TRAPPC10: variants seen among roughly 807,000 people sequenced by gnomAD.
TRAPPC10 encodes the protein trafficking protein particle complex subunit 10.
A neutral mutation model predicts 125.5 loss-of-function variants in TRAPPC10; 23 were observed. That is an observed-to-expected ratio of 0.18 (90% CI 0.13 to 0.26). The LOEUF is 0.26. TRAPPC10 is among the 10% of genes least tolerant of loss of function. TRAPPC10 has a pLI of 1.00. For synonymous variants in TRAPPC10, 509 were observed against 518.0 expected (o/e 0.98, Z 0.24); for missense variants, 1,123 against 1,308.4 (o/e 0.86, Z 2.19).
intron 3 of TRAPPC10, among the ~76,000 whole-genome samples, chr21:44,048,799 T>C: frequency 1.2e-5 from 1 of 85,780 alleles, no homozygotes; most frequent in African/African-American, 5.6e-5. Flanking sequence ...CACCCTGTGT[T>C]TTTTTTTTTT....
At chr21:44,067,003 A>G (rs529722725) in intron 7 of TRAPPC10, among the ~76,000 whole-genome samples, 5 of 152,298 alleles carry the variant, frequency 3.3e-5, no homozygotes, top group African/African-American at 1.2e-4. Context: ...GTTTGTTACA[A>G]TGATTGCCCA....
intron 4 of TRAPPC10, among the ~76,000 whole-genome samples, chr21:44,054,416 C>T (rs1038292720): frequency 2.0e-5 from 3 of 151,754 alleles, no homozygotes; most frequent in African/African-American, 2.4e-5. Context: ...TGCTGGGGCA[C>T]GGAAAAAAGG....
intron 3 of TRAPPC10, among the ~76,000 whole-genome samples, chr21:44,040,328 T>C (rs986121048): frequency 1.3e-5 from 2 of 152,050 alleles, no homozygotes; most frequent in Admixed American, 1.3e-4. Flanking sequence ...TTATTAGAGA[T>C]TTTTAAAAAT....
Position 44,037,869 on chromosome 21 carries a change from A to G in TRAPPC10, c.227A>G (p.Glu76Gly). The change falls in exon 3 of 23, where the codon GAA becomes GGA. Residue 76 changes from glutamate (E) to glycine (G), a missense_variant. Coordinates refer to ENST00000291574, the MANE Select transcript of TRAPPC10 (RefSeq NM_003274.5). The part of the protein sequence containing the change: ...VQFKEELLPK[E>G]GNKALLTFPF... ...TTCAAAGAGGAGCTGCTGCCCAAAG[A>G]AGGAAACAAAGCTCTGCTCACGTTT... 6.2e-7 allele frequency: 1 copy of G among 1,614,188 alleles called. No homozygotes were observed. The highest frequency in any genetic ancestry group is 8.5e-7 in the Non-Finnish European group (1 of 1,180,046).
In TRAPPC10 at chr21:44,079,863, T is replaced by A. The variant is rs961155696; in HGVS notation, c.1611-152T>A. ...AAAATGAATGAAATGTCTAGTCGAT[T>A]TTTTATAATCTAATTTTGAGCCCTA... is the stretch of plus-strand genomic sequence containing the variant. On this transcript the variant is annotated intron_variant, in intron 12 of 22. Transcript: ENST00000291574. 27 of 1,103,300 alleles carry A rather than the reference T, an allele frequency of 2.4e-5. 1 individual carries two copies. The South Asian group carries it at 4.1e-4, about 17-fold the overall frequency. The allele number at this position is 1,103,300 out of a possible 1,614,324, so 68.3% of individuals were successfully genotyped here. A position where few individuals can be genotyped will look rare whatever the true frequency, so the allele number is the denominator to read the frequency against.
chr21:44,094,225 A>C lies in TRAPPC10; in HGVS notation c.3160A>C (p.Asn1054His). 1 of 1,606,436 alleles carries C rather than the reference A, an allele frequency of 6.2e-7. No individual in the cohort carries two copies. Among genetic ancestry groups the C allele is most frequent in the Non-Finnish European group, 8.5e-7 (1 of 1,178,070 alleles). ...GTATACTTATGAATTTAAAGTGGAA[A>C]ATTTTTTTGTAAGTGATGTATTATT... Reference protein sequence around the residue: ...KPYTYEFKVENFFTLYNVKAE... With the variant: ...KPYTYEFKVEHFFTLYNVKAE... Residue 1054 changes from asparagine (N) to histidine (H), a missense_variant, in exon 20 of 23, where the codon AAT becomes CAT. Asn to His is a moderately conservative substitution (Grantham distance 68). Around this residue, in one of 4 missense-constraint regions of TRAPPC10, gnomAD observed 840 missense variants for 902.0 expected, o/e 0.93. Transcript: ENST00000291574.
chr21:44,024,903 A>G (rs2032902406), intron 1 of TRAPPC10, among the ~76,000 whole-genome samples: 1 of 152,118 alleles, frequency 6.6e-6, no homozygotes. Flanking sequence ...ATCCAAACAT[A>G]TTTGTATTTC....
In TRAPPC10 at chr21:44,055,807, C is replaced by A; in HGVS notation, c.592C>A (p.Leu198Ile). The A allele has an allele frequency of 6.2e-7, 1 of 1,613,884 alleles. No individual in the cohort carries two copies. The highest frequency in any genetic ancestry group is 8.5e-7 in the Non-Finnish European group (1 of 1,179,842). Residue 198 changes from leucine (L) to isoleucine (I), a missense_variant, in exon 5 of 23, where the codon CTA (leucine) becomes ATA (isoleucine). Physicochemically the swap from Leu to Ile is conservative, Grantham distance 5 (BLOSUM62 2). Around this residue, in one of 4 missense-constraint regions of TRAPPC10, gnomAD observed 15 missense variants for 50.3 expected, o/e 0.30. Transcript: ENST00000291574. Reference protein sequence around the residue: ...TLLLMSFTKNLGKFEDDMRTL... With the variant: ...TLLLMSFTKNIGKFEDDMRTL... ...GCTTCTTATGTCTTTTACCAAAAAC[C>A]TAGGCAAGTTTGAGGATGACATGAG... is the stretch of plus-strand genomic sequence containing the variant.
Position 44,074,576 on chromosome 21 carries a change from C to T in TRAPPC10, c.1185+106C>T, listed in dbSNP as rs145786098. On this transcript the variant is annotated intron_variant, in intron 8 of 22. Coordinates refer to ENST00000291574, the MANE Select transcript of TRAPPC10 (RefSeq NM_003274.5). ...GGAGAGGTGTTGCTCATTTAGATCACGATGCATCCACTTTAGTGGCCCTAG... is the reference window on the plus strand; with the variant it reads ...GGAGAGGTGTTGCTCATTTAGATCATGATGCATCCACTTTAGTGGCCCTAG... The T allele has an allele frequency of 1.3e-3, 1,898 of 1,452,082 alleles. 39 individuals are homozygous for T. In the Admixed American group the frequency reaches 0.03, roughly 23 times the overall value. The allele number at this position is 1,452,082 out of a possible 1,614,324, so 89.9% of individuals were successfully genotyped here.
At position 44,083,204 on chromosome 21, in the gene TRAPPC10, A is replaced by G. The variant is rs749326723; in HGVS notation, c.2140A>G (p.Met714Val). The change falls in exon 14 of 23, where the codon ATG becomes GTG. Residue 714 changes from methionine to valine, a missense_variant. Physicochemically the swap from Met to Val is conservative, Grantham distance 21 (BLOSUM62 1). Coordinates refer to ENST00000291574, the MANE Select transcript of TRAPPC10 (RefSeq NM_003274.5). ...RRQESSSSLE[M>V]PSGVALEEGA... ...GCAGGAGAGCAGCTCCTCTCTAGAG[A>G]TGCCCTCAGGGGTGGCTCTGGAGGA... 3.1e-6 allele frequency: 5 copies of G among 1,614,054 alleles called. No individual in the cohort carries two copies. The highest frequency in any genetic ancestry group is 1.7e-5 in the Admixed American group (1 of 60,006).
intron 12 of TRAPPC10, 58 bp downstream of exon 12, chr21:44,079,762 T>G: frequency 1.3e-6 from 2 of 1,555,722 alleles, no homozygotes; most frequent in Middle Eastern, 1.8e-4. Context: ...ACGGCAACAT[T>G]GCCCACAATC....
chr21:44,072,256 T>C (rs1049060108), intron 7 of TRAPPC10, among the ~76,000 whole-genome samples: 6 of 146,998 alleles, frequency 4.1e-5, no homozygotes, highest in Non-Finnish European at 9.0e-5. Flanking sequence ...AGCTCTCGGC[T>C]GCTGCTGTTC....
At chr21:44,025,118 T>C (rs1481391411) in intron 1 of TRAPPC10, among the ~76,000 whole-genome samples, 1 of 152,264 alleles carries the variant, frequency 6.6e-6, no homozygotes, top group Non-Finnish European at 1.5e-5. Context: ...ATAGCCTGTC[T>C]GTGGCCTTTC....
rs761812554 is a variant in TRAPPC10 at position 44,086,863 on chromosome 21, G to A, written c.2442G>A (p.Thr814=). The A allele has an allele frequency of 3.1e-6, 5 of 1,614,194 alleles. No individual in the cohort carries two copies. Among genetic ancestry groups the A allele is most frequent in the African/African-American group, 1.3e-5 (1 of 75,056 alleles). ...VKFTVTTGHY[T]IKNGDSLQLS... is the part of the protein sequence containing the mutation. ...TCACTGTCACTACCGGCCATTATACGATAAAGAATGGAGACAGCCTGCAGC... is the reference window on the plus strand; with the variant it reads ...TCACTGTCACTACCGGCCATTATACAATAAAGAATGGAGACAGCCTGCAGC... Residue 814 remains threonine, a synonymous_variant, in exon 16 of 23, where the codon ACG becomes ACA. Transcript: ENST00000291574.
At chr21:44,081,005 C>CTTTTTTTTTTCTTTTTTTTTTTT (rs2037673502) in intron 13 of TRAPPC10, among the ~76,000 whole-genome samples, 1 of 103,870 alleles carries the variant, frequency 9.6e-6, no homozygotes. Context: ...TATTATTGTT[C>CTTTTTTTTTTCTTTTTTTTTTTT]TTTTTTTTTT....
At chr21:44,022,996 A>G (rs1251835280) in intron 1 of TRAPPC10, among the ~76,000 whole-genome samples, 6 of 150,742 alleles carry the variant, frequency 4.0e-5, no homozygotes, top group Admixed American at 2.6e-4. Flanking sequence ...TAAAGGTTGC[A>G]AAATGGTGAT....
intron 10 of TRAPPC10, 69 bp downstream of exon 10, chr21:44,076,697 C>G: frequency 1.5e-6 from 2 of 1,374,720 alleles, no homozygotes; most frequent in East Asian, 4.6e-5. Flanking sequence ...GCTACATGGC[C>G]TGTTGAGTTG....
intron 4 of TRAPPC10, among the ~76,000 whole-genome samples, chr21:44,052,962 G>A (rs2035323928): frequency 6.6e-6 from 1 of 152,066 alleles, no homozygotes; most frequent in South Asian, 2.1e-4. Context: ...TCTCCGCCTT[G>A]CCCTGCTCTC....
intron 19 of TRAPPC10, 96 bp from the exon 20 acceptor site, chr21:44,093,967 C>T: frequency 1.5e-6 from 2 of 1,353,758 alleles, no homozygotes; most frequent in East Asian, 2.3e-5. Context: ...GGTGTCTGCT[C>T]AGCACCCTTC....
Sources: allele counts gnomAD v4.1 joint callset (sites outside exome capture counted in the v4.1 genomes callset), GRCh38; gene constraint gnomAD v4.1.1; regional missense constraint gnomAD v4.1.1; transcripts MANE v1.5; gene names NCBI Gene and HGNC (gene_info 2026-07-23, HGNC 2026-07-21).